PTTG1IP2: variants seen among roughly 807,000 people sequenced by gnomAD.
PTTG1IP2 encodes PTTG1IP family member 2.
At position 90,482,407 on chromosome 7, in the gene PTTG1IP2, T is replaced by C. The variant is rs112432131; in HGVS notation, c.192+3133T>C. The stretch of plus-strand genomic sequence containing the variant: ...GTAAGGGAATCTTCCTTAGATTCTA[T>C]CTGAAACATTTCCTTGTGATTTCAT... On this transcript the variant is annotated intron_variant, in intron 2 of 6. Transcript: ENST00000509356. Among the ~76,000 whole-genome samples, 197 of 152,266 alleles carry C rather than the reference T, an allele frequency of 1.3e-3. 1 individual carries two copies. The highest frequency in any genetic ancestry group is 4.0e-3 in the African/African-American group (168 of 41,558).
At chr7:90,496,791 A>G (rs1797996633) in intron 6 of PTTG1IP2, among the ~76,000 whole-genome samples, 1 of 151,870 alleles carries the variant, frequency 6.6e-6, no homozygotes, top group Non-Finnish European at 1.5e-5. Context: ...AAGGTTATTA[A>G]TTTGAGATCT....
At chr7:90,512,551 G>T (rs1798202782) in intron 6 of PTTG1IP2, among the ~76,000 whole-genome samples, 1 of 152,276 alleles carries the variant, frequency 6.6e-6, no homozygotes, top group South Asian at 2.1e-4. Context: ...TCGGGGATAA[G>T]ATTATGTCAG....
At chr7:90,475,439 A>G (rs960353270) in intron 1 of PTTG1IP2, among the ~76,000 whole-genome samples, 1 of 152,254 alleles carries the variant, frequency 6.6e-6, no homozygotes, top group African/African-American at 2.4e-5. Context: ...CTATTCTGGA[A>G]AAGATGATGA....
At chr7:90,482,395 C>T (rs1797822917) in intron 2 of PTTG1IP2, among the ~76,000 whole-genome samples, 2 of 152,146 alleles carry the variant, frequency 1.3e-5, no homozygotes, top group African/African-American at 4.8e-5. Context: ...AGGGAATCTT[C>T]CTTAGATTCT....
At chr7:90,493,450 G>C (rs1797961741) in intron 5 of PTTG1IP2, among the ~76,000 whole-genome samples, 1 of 152,160 alleles carries the variant, frequency 6.6e-6, no homozygotes, top group South Asian at 2.1e-4. Flanking sequence ...ATCAAACCAG[G>C]GGGCTGCAGA....
At chr7:90,498,886 C>G (rs990736240) in intron 6 of PTTG1IP2, among the ~76,000 whole-genome samples, 1 of 152,184 alleles carries the variant, frequency 6.6e-6, no homozygotes, top group Non-Finnish European at 1.5e-5. Flanking sequence ...GGGTCTCGCT[C>G]TGTCAGCCAG....
chr7:90,484,067 T>G (rs1431687667), intron 2 of PTTG1IP2, among the ~76,000 whole-genome samples: 1 of 151,996 alleles, frequency 6.6e-6, no homozygotes, highest in East Asian at 1.9e-4. Flanking sequence ...TGCTCAAAAT[T>G]TCTTTAACTA....
intron 5 of PTTG1IP2, among the ~76,000 whole-genome samples, chr7:90,493,698 C>T (rs1438481513): frequency 1.3e-5 from 2 of 152,076 alleles, no homozygotes; most frequent in East Asian, 3.9e-4. Flanking sequence ...ACATTAAAGG[C>T]TTGAGTAAGT....
chr7:90,495,946 A>C (rs924221138), intron 6 of PTTG1IP2, among the ~76,000 whole-genome samples: 1 of 152,222 alleles, frequency 6.6e-6, no homozygotes. Context: ...CTCAGTATCT[A>C]TTAAAATTTG....
intron 2 of PTTG1IP2, among the ~76,000 whole-genome samples, chr7:90,484,496 C>T (rs993499251): frequency 9.9e-5 from 15 of 152,064 alleles, no homozygotes; most frequent in Non-Finnish European, 1.6e-4. Context: ...TTGTCACACT[C>T]CAAAAAGGCT....
At chr7:90,510,222 C>G (rs1798171508) in intron 6 of PTTG1IP2, among the ~76,000 whole-genome samples, 1 of 152,092 alleles carries the variant, frequency 6.6e-6, no homozygotes, top group African/African-American at 2.4e-5. Flanking sequence ...TTCCAAGGTA[C>G]TGTTAAAATT....
intron 3 of PTTG1IP2, among the ~76,000 whole-genome samples, chr7:90,488,392 G>A (rs1797901020): frequency 6.6e-6 from 1 of 151,892 alleles, no homozygotes. Context: ...ACTACATTGT[G>A]CTTACTGAGA....
chr7:90,501,792 T>C lies in PTTG1IP2; in HGVS notation c.*50+7362T>C, dbSNP rs1018849760. On this transcript the variant is annotated intron_variant, in intron 6 of 6. Transcript: ENST00000509356. Reference sequence around the variant, plus strand: ...GTTGATGGTTGCAGCCTGATCAGGGTGGTGGTTGCTGAAGTTTGGGTTTGC... The same window carrying C: ...GTTGATGGTTGCAGCCTGATCAGGGCGGTGGTTGCTGAAGTTTGGGTTTGC... Among the ~76,000 whole-genome samples, 4 of 152,274 alleles carry C rather than the reference T, an allele frequency of 2.6e-5. No individual in the cohort carries two copies. The East Asian group carries it at 7.7e-4, about 29-fold the overall frequency.
chr7:90,478,155 C>T (rs1434320507), intron 1 of PTTG1IP2, among the ~76,000 whole-genome samples: 5 of 147,536 alleles, frequency 3.4e-5, no homozygotes, highest in Non-Finnish European at 6.0e-5. Flanking sequence ...AGGGGGTATA[C>T]AGGAACTCCC....
At position 90,488,914 on chromosome 7, in the gene PTTG1IP2, A is replaced by C. The variant is rs1044696034; in HGVS notation, c.330A>C (p.Leu110Phe). 6.6e-6 allele frequency: 1 copy of C among 151,936 alleles called. No homozygotes were observed. The highest frequency in any genetic ancestry group is 1.5e-5 in the Non-Finnish European group (1 of 67,828). The allele number at this position is 151,936 out of a possible 1,614,324, so 9.4% of individuals were successfully genotyped here. A position where few individuals can be genotyped will look rare whatever the true frequency, so the allele number is the denominator to read the frequency against. ...TGATGCTTCTACTCATTGCAGTATT[A>C]ATTACAGGATTCGTTTGGTACTGCT... ...GIMMLLLIAV[L>F]ITGFVWYCCA... Residue 110 changes from leucine to phenylalanine, a missense_variant, in exon 4 of 7, where the codon TTA (leucine) becomes TTC (phenylalanine). Coordinates refer to ENST00000509356, the MANE Select transcript of PTTG1IP2 (RefSeq NM_001365443.2).
At chr7:90,507,833 T>C (rs1174576166) in intron 6 of PTTG1IP2, among the ~76,000 whole-genome samples, 2 of 152,236 alleles carry the variant, frequency 1.3e-5, no homozygotes, top group African/African-American at 4.8e-5. Context: ...TATTACCTAT[T>C]ATGAGCCTAT....
intron 4 of PTTG1IP2, among the ~76,000 whole-genome samples, chr7:90,491,321 A>G (rs1333928471): frequency 6.6e-6 from 1 of 152,230 alleles, no homozygotes. Context: ...TAGGGATATA[A>G]CAATAAGCAA....
intron 1 of PTTG1IP2, chr7:90,470,171 A>T (rs1239398513): frequency 6.6e-6 from 1 of 152,226 alleles, no homozygotes; most frequent in East Asian, 1.9e-4. Flanking sequence ...GAGGAAAAGC[A>T]TGGTTTCTCC....
chr7:90,478,835 T>A (rs1051348256), intron 1 of PTTG1IP2, among the ~76,000 whole-genome samples: 2 of 152,048 alleles, frequency 1.3e-5, no homozygotes, highest in Non-Finnish European at 2.9e-5. Flanking sequence ...TTAATTTTTT[T>A]TTTTTTTTTA....
Sources: gnomAD v4.1 joint callset for allele counts (sites outside exome capture counted in the v4.1 genomes callset) on GRCh38, gnomAD v4.1.1 for gene constraint, MANE v1.5 for transcripts, NCBI Gene and HGNC (gene_info 2026-07-23, HGNC 2026-07-21) for gene names.